Variants in CSMD1 observed in about 807,000 individuals in gnomAD.
CSMD1 encodes the protein CUB and sushi domain-containing protein 1.
A neutral mutation model predicts 417.5 loss-of-function variants in CSMD1; 213 were observed. The observed-to-expected ratio is 0.51, with a 90% confidence interval of 0.46 to 0.57. The LOEUF (loss-of-function observed/expected upper bound fraction) is 0.57, where lower values mean the gene tolerates loss of function less well. Among genes scored for constraint, CSMD1 ranks in the 20% least tolerant of loss-of-function variants. The probability of loss-of-function intolerance (pLI) is 0.00; values close to 1 mark genes in which losing one functional copy is unlikely to be tolerated. For synonymous variants in CSMD1, 2,862 were observed against 1,736.8 expected, an observed-to-expected ratio of 1.65 and a Z score of -16.11; for missense variants, 6,923 against 4,529.7, an observed-to-expected ratio of 1.53 and a Z score of -15.17.
intron 25 of CSMD1, among the ~76,000 whole-genome samples, chr8:3,295,291 A>C (rs143606356): frequency 1.3e-5 from 2 of 151,458 alleles, no homozygotes; most frequent in Admixed American, 6.6e-5. Context: ...CACATGGCTA[A>C]TTTTTTTGTA....
chr8:4,909,501 T>C (rs1377979162), intron 1 of CSMD1, among the ~76,000 whole-genome samples: 1 of 152,122 alleles, frequency 6.6e-6, no homozygotes, highest in Non-Finnish European at 1.5e-5. Context: ...GATTTTTCCC[T>C]AAAGAGAAAG....
chr8:4,852,925 G>A lies in CSMD1; in HGVS notation c.85+141407C>T, dbSNP rs561181788. Among the ~76,000 whole-genome samples, 20 of 152,192 alleles carry A rather than the reference G, an allele frequency of 1.3e-4. No homozygotes were observed. In the South Asian group the frequency reaches 2.7e-3, roughly 21 times the overall value. On this transcript the variant is annotated intron_variant, in intron 1 of 69. Transcript: ENST00000635120. ...GGTTGAGCTTAAGAATGATGAGAGG[G>A]TACATGGCAGAAGGAATTTCTAAGC...
intron 6 of CSMD1, among the ~76,000 whole-genome samples, chr8:3,718,663 T>C (rs1213087742): frequency 6.6e-6 from 1 of 152,218 alleles, no homozygotes; most frequent in Non-Finnish European, 1.5e-5. Context: ...AGCGTGAGAA[T>C]GTCCACAAAA....
intron 10 of CSMD1, among the ~76,000 whole-genome samples, chr8:3,507,265 C>T (rs566205992): frequency 1.2e-4 from 19 of 152,230 alleles, no homozygotes; most frequent in African/African-American, 4.6e-4. Context: ...AGGAAAACTT[C>T]TGCCTTTACT....
chr8:3,545,726 G>C (rs185062459), intron 10 of CSMD1, among the ~76,000 whole-genome samples: 31 of 152,288 alleles, frequency 2.0e-4, no homozygotes, highest in African/African-American at 6.5e-4. Context: ...ACAAGTAATG[G>C]TGCTGATTAT....
intron 1 of CSMD1, among the ~76,000 whole-genome samples, chr8:4,713,218 G>C (rs1458810753): frequency 1.3e-5 from 2 of 152,176 alleles, no homozygotes; most frequent in African/African-American, 2.4e-5. Context: ...GACCAAATTA[G>C]TTTCAGATTT....
chr8:3,320,181 G>T (rs776493489), intron 23 of CSMD1, among the ~76,000 whole-genome samples: 1 of 152,176 alleles, frequency 6.6e-6, no homozygotes, highest in African/African-American at 2.4e-5. Context: ...AAATAATGAC[G>T]ATTATAAGAG....
chr8:3,669,503 A>T (rs1422541852), intron 7 of CSMD1, among the ~76,000 whole-genome samples: 2 of 152,216 alleles, frequency 1.3e-5, no homozygotes, highest in Non-Finnish European at 2.9e-5. Context: ...AAATATTGAG[A>T]ATACAAGTCC....
At chr8:3,858,190 C>G (rs564113642) in intron 5 of CSMD1, among the ~76,000 whole-genome samples, 7 of 152,252 alleles carry the variant, frequency 4.6e-5, no homozygotes, top group Admixed American at 3.3e-4. Flanking sequence ...TTTTGACTCT[C>G]TATTTCCATT....
intron 11 of CSMD1, among the ~76,000 whole-genome samples, chr8:3,491,858 C>G (rs901317362): frequency 1.3e-5 from 2 of 152,162 alleles, no homozygotes; most frequent in South Asian, 2.1e-4. Flanking sequence ...GCGGGTACCC[C>G]GAGTCCAGCG....
intron 6 of CSMD1, among the ~76,000 whole-genome samples, chr8:3,736,436 G>C (rs1446530607): frequency 6.6e-6 from 1 of 152,056 alleles, no homozygotes; most frequent in Non-Finnish European, 1.5e-5. Context: ...GTAGCAATGT[G>C]GTCTCACTAC....
At chr8:4,258,039 G>T (rs1017372197) in intron 3 of CSMD1, among the ~76,000 whole-genome samples, 1 of 151,868 alleles carries the variant, frequency 6.6e-6, no homozygotes, top group Non-Finnish European at 1.5e-5. Context: ...GCTGTGGAAG[G>T]GGGAAGCAAT....
chr8:3,069,451 A>C (rs1813178442), intron 49 of CSMD1, among the ~76,000 whole-genome samples: 1 of 152,098 alleles, frequency 6.6e-6, no homozygotes, highest in African/African-American at 2.4e-5. Flanking sequence ...AAAAAAGAAA[A>C]AGAAAAAGAA....
chr8:4,330,330 C>G (rs1444371913), intron 3 of CSMD1, among the ~76,000 whole-genome samples: 2 of 151,560 alleles, frequency 1.3e-5, no homozygotes, highest in Non-Finnish European at 3.0e-5. Context: ...CGTGCTGGCT[C>G]ACACCTGTAA....
intron 1 of CSMD1, among the ~76,000 whole-genome samples, chr8:4,876,028 A>C (rs1338654616): frequency 6.6e-6 from 1 of 152,080 alleles, no homozygotes; most frequent in Non-Finnish European, 1.5e-5. Context: ...AATTTTAGTA[A>C]GGGGAAAAAA....
intron 2 of CSMD1, among the ~76,000 whole-genome samples, chr8:4,574,092 T>C (rs1471248257): frequency 1.3e-5 from 2 of 152,050 alleles, no homozygotes; most frequent in Non-Finnish European, 2.9e-5. Flanking sequence ...GCAAGACCAC[T>C]TGGCTCCCTG....
intron 25 of CSMD1, among the ~76,000 whole-genome samples, chr8:3,294,975 C>T (rs1803856930): frequency 6.6e-6 from 1 of 152,066 alleles, no homozygotes; most frequent in African/African-American, 2.4e-5. Context: ...CCACCCATCC[C>T]ATTTATATTT....
rs555463584 is a variant in CSMD1, at chr8:4,454,082, T to A, written c.303-34017A>T. On this transcript the variant is annotated intron_variant, in intron 2 of 69. Transcript: ENST00000635120. ...CGTGATCCGCCCGCCTCGGCCTCCCTAAGTGCTGGGATTACAGGCGTGAGC... is the reference window on the plus strand; with the variant it reads ...CGTGATCCGCCCGCCTCGGCCTCCCAAAGTGCTGGGATTACAGGCGTGAGC... Among the ~76,000 whole-genome samples the A allele has an allele frequency of 5.8e-4, 88 of 152,082 alleles. No individual in the cohort carries two copies. The East Asian group carries it at 9.4e-3, about 16-fold the overall frequency.
chr8:3,304,472 CATGAAGAGTGGTTCA>C (rs1203569791), intron 25 of CSMD1, among the ~76,000 whole-genome samples: 1 of 152,028 alleles, frequency 6.6e-6, no homozygotes, highest in Non-Finnish European at 1.5e-5. Context: ...TTATGTTATT[CATGAAGAGTGGTTCA>C]ATCATCAAAA....
Sources: allele counts gnomAD v4.1 joint callset (sites outside exome capture counted in the v4.1 genomes callset), GRCh38; gene constraint gnomAD v4.1.1; transcripts MANE v1.5; gene names NCBI Gene and HGNC (gene_info 2026-07-23, HGNC 2026-07-21).